The following RALGAPA1 variants were observed in gnomAD, a reference collection of about 807,000 sequenced individuals.
The protein encoded by RALGAPA1 is Ral GTPase activating protein catalytic subunit alpha 1.
RALGAPA1 carries 52 observed loss-of-function variants against 269.6 expected under a neutral mutation model. The observed-to-expected ratio is 0.19, with a 90% CI of 0.15 to 0.24. The LOEUF is 0.24. Among genes scored for constraint, RALGAPA1 ranks in the 10% least tolerant of loss-of-function variants. The pLI, the probability that RALGAPA1 is intolerant of heterozygous loss-of-function variation, is 1.00. For missense variants in RALGAPA1, 1,917 were observed against 3,013.9 expected (o/e 0.64, Z 8.52); for synonymous variants, 817 against 1,008.3 (o/e 0.81, Z 3.60).
At chr14:35,788,298 C>A (rs781372707) in intron 1 of RALGAPA1, among the ~76,000 whole-genome samples, 5 of 152,106 alleles carry the variant, frequency 3.3e-5, no homozygotes, top group Non-Finnish European at 5.9e-5. Flanking sequence ...AGAACAAATT[C>A]TACTTCTTAA....
At chr14:35,708,672 C>T (rs1480787233) in intron 16 of RALGAPA1, among the ~76,000 whole-genome samples, 3 of 152,160 alleles carry the variant, frequency 2.0e-5, no homozygotes, top group African/African-American at 7.2e-5. Context: ...AGTACAACCA[C>T]TATGGAGAAC....
At chr14:35,541,881 G>T in intron 41 of RALGAPA1, 1 of 478,096 alleles carries the variant, frequency 2.1e-6, no homozygotes, top group Non-Finnish European at 4.0e-6. Context: ...AGATATGAGA[G>T]ACACAGTGCA....
chr14:35,623,708 A>G (rs2060796840), intron 35 of RALGAPA1, among the ~76,000 whole-genome samples: 1 of 152,202 alleles, frequency 6.6e-6, no homozygotes, highest in Non-Finnish European at 1.5e-5. Context: ...AAATAATTCT[A>G]TTCCTGGGAC....
intron 33 of RALGAPA1, among the ~76,000 whole-genome samples, chr14:35,629,889 AACC>A (rs1311937598): frequency 3.3e-5 from 5 of 152,344 alleles, no homozygotes; most frequent in African/African-American, 1.2e-4. Context: ...ATAATTGTGT[AACC>A]ACCAACATAA....
intron 21 of RALGAPA1, among the ~76,000 whole-genome samples, chr14:35,679,269 A>C (rs762822471): frequency 1.1e-4 from 16 of 152,142 alleles, no homozygotes; most frequent in Non-Finnish European, 1.5e-4. Flanking sequence ...AGTACCTGTA[A>C]ACCTCTGCCC....
chr14:35,689,410 T>C lies in RALGAPA1; in HGVS notation c.3001A>G (p.Thr1001Ala). The C allele has an allele frequency of 8.1e-7, 1 of 1,232,078 alleles. No homozygotes were observed. The highest frequency in any genetic ancestry group is 1.0e-6 in the Non-Finnish European group (1 of 987,982). 76.3% of individuals were successfully genotyped at this position (1,232,078 alleles called of 1,614,324 possible). A position where few individuals can be genotyped will look rare whatever the true frequency, so the allele number is the denominator to read the frequency against. ...ESENITSFVG[T>A]PENLQFQKEP... is the part of the protein sequence containing the mutation. Reference sequence around the variant, plus strand: ...TTCTGAAACTGTAGGTTTTCAGGAGTCCCAACAAAAGAGGTGATATTTTCT... The same window carrying C: ...TTCTGAAACTGTAGGTTTTCAGGAGCCCCAACAAAAGAGGTGATATTTTCT... The change falls in exon 18 of 42, where the codon ACT becomes GCT. Residue 1001 changes from threonine to alanine, a missense_variant. Around this residue, in one of 11 missense-constraint regions of RALGAPA1, gnomAD observed 615 missense variants for 790.0 expected, o/e 0.78. Transcript: ENST00000680220.
intron 1 of RALGAPA1, among the ~76,000 whole-genome samples, chr14:35,789,123 A>C (rs944913466): frequency 6.6e-6 from 1 of 152,180 alleles, no homozygotes; most frequent in African/African-American, 2.4e-5. Flanking sequence ...TCCTATACCT[A>C]CATGATAGGG....
At chr14:35,604,368 C>A (rs72668479) in intron 36 of RALGAPA1, among the ~76,000 whole-genome samples, 2 of 151,612 alleles carry the variant, frequency 1.3e-5, no homozygotes, top group Non-Finnish European at 2.9e-5. Flanking sequence ...GTATCAATAA[C>A]GATATCTAGA....
At chr14:35,652,940 T>C (rs2062941137) in intron 30 of RALGAPA1, among the ~76,000 whole-genome samples, 1 of 152,234 alleles carries the variant, frequency 6.6e-6, no homozygotes, top group Non-Finnish European at 1.5e-5. Context: ...TGTATGCTAT[T>C]ACATTTTTTA....
At chr14:35,766,072 TATCGGCATTCAC>T in intron 4 of RALGAPA1, 1 of 1,263,728 alleles carries the variant, frequency 7.9e-7, no homozygotes, top group East Asian at 2.3e-5. Context: ...GCAGTTGCCA[TATCGGCATTCAC>T]ATGCTATGCG....
intron 32 of RALGAPA1, 54 bp downstream of exon 32, chr14:35,635,410 C>T: frequency 1.3e-6 from 2 of 1,482,594 alleles, no homozygotes; most frequent in South Asian, 2.9e-5. Flanking sequence ...TGTTATTTCT[C>T]TAGGTTTTAA....
intron 10 of RALGAPA1, among the ~76,000 whole-genome samples, chr14:35,745,537 G>T (rs1356150045): frequency 6.6e-6 from 1 of 151,628 alleles, no homozygotes; most frequent in Non-Finnish European, 1.5e-5. Flanking sequence ...AGGTTGAGGC[G>T]GGCAGATCAC....
At chr14:35,755,979 C>T (rs2073129657) in intron 7 of RALGAPA1, among the ~76,000 whole-genome samples, 1 of 152,212 alleles carries the variant, frequency 6.6e-6, no homozygotes, top group Non-Finnish European at 1.5e-5. Context: ...AAAATACATG[C>T]ACCTAGAAAT....
rs760419207 is a variant in RALGAPA1, at chr14:35,775,073, GA to G, written c.218-19del. 338 of 1,379,780 alleles carry G rather than the reference GA, an allele frequency of 2.4e-4. No individual in the cohort carries two copies. The highest frequency in any genetic ancestry group is 3.3e-4 in the Non-Finnish European group (328 of 982,224). 85.5% of individuals were successfully genotyped at this position (1,379,780 alleles called of 1,614,324 possible). On this transcript the variant is annotated intron_variant, in intron 2 of 41. Coordinates refer to ENST00000680220, the MANE Select transcript of RALGAPA1 (RefSeq NM_001346249.2). The stretch of plus-strand genomic sequence containing the variant: ...CTTGTGACCTAAAACATTTTTATAA[GA>G]AAACATTTAAAACATATCATTTTGT...
Position 35,539,606 on chromosome 14 carries a change from C to G in RALGAPA1, c.*108G>C. 3.7e-6 allele frequency: 6 copies of G among 1,613,940 alleles called. No homozygotes were observed. The highest frequency in any genetic ancestry group is 5.1e-6 in the Non-Finnish European group (6 of 1,180,022). On this transcript the variant is annotated 3_prime_UTR_variant, in exon 42 of 42. Coordinates refer to ENST00000680220, the MANE Select transcript of RALGAPA1 (RefSeq NM_001346249.2). ...CATGGACATGCGGCTTTTGCTAGTT[C>G]GAGGAGACATTGGAGAGGCCAGGTC...
chr14:35,785,292 G>T (rs755494792), intron 1 of RALGAPA1, among the ~76,000 whole-genome samples: 2 of 152,128 alleles, frequency 1.3e-5, no homozygotes. Flanking sequence ...ATAATTACCC[G>T]TTCTTGCTTA....
At chr14:35,730,078 G>A (rs2070329623) in intron 12 of RALGAPA1, among the ~76,000 whole-genome samples, 1 of 152,204 alleles carries the variant, frequency 6.6e-6, no homozygotes, top group Non-Finnish European at 1.5e-5. Context: ...AACGGCAGAA[G>A]TGGGAAATGG....
At chr14:35,729,134 C>T (rs2070236594) in intron 12 of RALGAPA1, among the ~76,000 whole-genome samples, 1 of 151,900 alleles carries the variant, frequency 6.6e-6, no homozygotes, top group Non-Finnish European at 1.5e-5. Flanking sequence ...AAAGATGACA[C>T]CTAAATCAGG....
At chr14:35,674,384 C>T (rs573831306) in intron 23 of RALGAPA1, 106 bp from the exon 24 acceptor site, 41 of 1,236,332 alleles carry the variant, frequency 3.3e-5, no homozygotes, top group Admixed American at 1.5e-4. Flanking sequence ...TATTTAATTA[C>T]AATTAAGTGA....
Sources: gnomAD v4.1 joint callset for allele counts (sites outside exome capture counted in the v4.1 genomes callset) on GRCh38, gnomAD v4.1.1 for gene constraint, gnomAD v4.1.1 regional missense constraint, MANE v1.5 for transcripts, NCBI Gene and HGNC (gene_info 2026-07-23, HGNC 2026-07-21) for gene names.